The following LRSAM1 variants were observed in gnomAD, a reference collection of about 807,000 sequenced individuals.
LRSAM1 encodes leucine rich repeat and sterile alpha motif containing 1.
In LRSAM1, 96 loss-of-function variants were observed where a neutral mutation model predicts 118.1. The ratio of observed to expected loss-of-function variants is 0.81; its 90% confidence interval spans 0.69 to 0.96. LRSAM1 has a LOEUF of 0.96. Ranked by LOEUF, LRSAM1 falls within the 40% of genes least tolerant of loss-of-function variation. The probability of loss-of-function intolerance (pLI) is 0.00; values close to 1 mark genes in which losing one functional copy is unlikely to be tolerated. For missense variants in LRSAM1, 804 were observed against 915.5 expected (o/e 0.88, Z 1.57); for synonymous variants, 322 against 364.2 (o/e 0.88, Z 1.32).
chr9:127,503,241 G>C lies in LRSAM1; in HGVS notation c.*342G>C, dbSNP rs554114301. 1.1e-5 allele frequency: 4 copies of C among 366,722 alleles called. No individual in the cohort carries two copies. The highest frequency in any genetic ancestry group is 8.4e-5 in the African/African-American group (4 of 47,620). The allele number at this position is 366,722 out of a possible 1,614,324, so 22.7% of individuals were successfully genotyped here. On this transcript the variant is annotated 3_prime_UTR_variant, in exon 26 of 26. Transcript: ENST00000300417. ...GGCCACCGCCCCTGCAGGAGCTTGG[G>C]TCCTCATCTGGGGGCCATGCACAGG...
At chr9:127,459,892 C>G (rs61393400) in intron 7 of LRSAM1, among the ~76,000 whole-genome samples, 19 of 152,308 alleles carry the variant, frequency 1.2e-4, no homozygotes, top group African/African-American at 4.6e-4. Flanking sequence ...GCTGCATTCA[C>G]TAATTTGTAA....
intron 21 of LRSAM1, among the ~76,000 whole-genome samples, chr9:127,494,801 C>T (rs980992010): frequency 6.6e-6 from 1 of 152,046 alleles, no homozygotes; most frequent in Non-Finnish European, 1.5e-5. Flanking sequence ...AAAAATTAGC[C>T]GGGCATGGTG....
rs757124014 is a variant in LRSAM1 at position 127,485,739 on chromosome 9, C to T, written c.1163C>T (p.Ala388Val). 4 of 1,614,124 alleles carry T rather than the reference C, an allele frequency of 2.5e-6. No homozygotes were observed. The highest frequency in any genetic ancestry group is 3.4e-6 in the Non-Finnish European group (4 of 1,180,024). ...TCCCCACCTCATGTTCCCACAGCCG[C>T]CATGCAGCAGATGCTGACTGAGAGC... The part of the protein sequence containing the change: ...ESLRRRDVAS[A>V]MQQMLTESCK... Residue 388 changes from alanine (A) to valine (V), a missense_variant, in exon 17 of 26, where the codon GCC becomes GTC. Coordinates refer to ENST00000300417, the MANE Select transcript of LRSAM1 (RefSeq NM_001005373.4).
intron 22 of LRSAM1, 52 bp downstream of exon 22, chr9:127,495,470 C>A: frequency 6.7e-7 from 1 of 1,500,702 alleles, no homozygotes; most frequent in Non-Finnish European, 9.3e-7. Flanking sequence ...GACCTCCTCC[C>A]AGAGGCGCCT....
At chr9:127,473,656 A>G in intron 10 of LRSAM1, 145 bp from the exon 11 acceptor site, 1 of 1,155,864 alleles carries the variant, frequency 8.7e-7, no homozygotes, top group Non-Finnish European at 1.3e-6. Context: ...AGGACCGGTG[A>G]AAAACACGAA....
intron 15 of LRSAM1, 52 bp from the exon 16 acceptor site, chr9:127,482,898 T>C: frequency 1.3e-6 from 2 of 1,515,396 alleles, no homozygotes; most frequent in Non-Finnish European, 1.8e-6. Context: ...CTGCTGGGAT[T>C]CCCTGTTGGA....
At chr9:127,454,933 C>A in intron 3 of LRSAM1, 65 bp from the exon 4 acceptor site, 1 of 1,469,142 alleles carries the variant, frequency 6.8e-7, no homozygotes, top group Non-Finnish European at 9.5e-7. Context: ...TGTTCTTTGC[C>A]TGGCTTGTCC....
chr9:127,454,522 G>C lies in LRSAM1; in HGVS notation c.-6G>C, dbSNP rs776125314. On this transcript the variant is annotated 5_prime_UTR_variant, in exon 3 of 26. Transcript: ENST00000300417. ...GTCCTAAAGATCGCTCTGGGAAAAG[G>C]GAAGGATGCCGCTCTTCTTCCGGAA... The C allele has an allele frequency of 1.2e-6, 2 of 1,614,026 alleles. No individual in the cohort carries two copies. The highest frequency in any genetic ancestry group is 3.3e-5 in the Admixed American group (2 of 59,992).
At position 127,478,976 on chromosome 9, in the gene LRSAM1, C is replaced by T. The variant is rs1451126007; in HGVS notation, c.780+13C>T. On this transcript the variant is annotated intron_variant, in intron 12 of 25. Transcript: ENST00000300417. ...TGAGAAGAGGAAGGTAAGAAAATGC[C>T]TTTACCCTTCTGTCACTCTTTTCTC... is the stretch of plus-strand genomic sequence containing the variant. 10 of 1,611,054 alleles carry T rather than the reference C, an allele frequency of 6.2e-6. No homozygotes were observed. Among genetic ancestry groups the T allele is most frequent in the Non-Finnish European group, 8.5e-6 (10 of 1,177,300 alleles).
At position 127,502,956 on chromosome 9, in the gene LRSAM1, G is replaced by A. The variant is rs549468112; in HGVS notation, c.*57G>A. ...CCCTGCCTCGGCCACTGTGAGCCCCGGGCTCCTGCTCAGCCTTGTGCCAGC... is the reference window on the plus strand; with the variant it reads ...CCCTGCCTCGGCCACTGTGAGCCCCAGGCTCCTGCTCAGCCTTGTGCCAGC... On this transcript the variant is annotated 3_prime_UTR_variant, in exon 26 of 26. Transcript: ENST00000300417. 6,063 of 1,551,588 alleles carry A rather than the reference G, an allele frequency of 3.9e-3. 18 individuals carry two copies. The highest frequency in any genetic ancestry group is 4.6e-3 in the Non-Finnish European group (5,280 of 1,149,258).
At chr9:127,481,086 C>T in intron 14 of LRSAM1, 97 bp from the exon 15 acceptor site, 1 of 1,367,382 alleles carries the variant, frequency 7.3e-7, no homozygotes, top group Non-Finnish European at 1.0e-6. Flanking sequence ...CAAGGTGCCC[C>T]CAGCCCATTT....
intron 19 of LRSAM1, among the ~76,000 whole-genome samples, chr9:127,490,556 C>T (rs1835897488): frequency 6.6e-6 from 1 of 152,160 alleles, no homozygotes; most frequent in African/African-American, 2.4e-5. Flanking sequence ...TGCCCTTAAA[C>T]CCTGAGCTGA....
At chr9:127,461,898 C>T (rs983883048) in intron 8 of LRSAM1, among the ~76,000 whole-genome samples, 2 of 152,204 alleles carry the variant, frequency 1.3e-5, no homozygotes, top group East Asian at 1.9e-4. Flanking sequence ...ACAACAGTGG[C>T]GCCCCATTGC....
intron 22 of LRSAM1, 44 bp downstream of exon 22, chr9:127,495,462 C>T: frequency 2.6e-6 from 4 of 1,568,022 alleles, no homozygotes; most frequent in Non-Finnish European, 3.5e-6. Context: ...GCCCTGGGGA[C>T]CTCCTCCCAG....
intron 9 of LRSAM1, among the ~76,000 whole-genome samples, chr9:127,463,433 G>A (rs146859702): frequency 2.3e-3 from 345 of 152,120 alleles, no homozygotes; most frequent in African/African-American, 7.9e-3. Context: ...AGTTCTATAG[G>A]CTAGAAGTCC....
At chr9:127,461,142 C>T in intron 7 of LRSAM1, 31 bp from the exon 8 acceptor site, 1 of 1,580,538 alleles carries the variant, frequency 6.3e-7, no homozygotes, top group Non-Finnish European at 8.7e-7. Context: ...GCATAAGCCA[C>T]TGCGCCTGGC....
Position 127,455,626 on chromosome 9 carries a change from A to C in LRSAM1, c.174+6A>C. 6.2e-7 allele frequency: 1 copy of C among 1,613,882 alleles called. No homozygotes were observed. Among genetic ancestry groups the C allele is most frequent in the Non-Finnish European group, 8.5e-7 (1 of 1,179,792 alleles). On this transcript the variant is annotated splice_donor_region_variant and intron_variant, in intron 5 of 25. Coordinates refer to ENST00000300417, the MANE Select transcript of LRSAM1 (RefSeq NM_001005373.4). ...GCAAAGTTCTGCAGAAGAAGGTAAG[A>C]TGGAGCTTCATCTTCAGAGACTTTC... is the stretch of plus-strand genomic sequence containing the variant.
chr9:127,470,217 C>T (rs975328841), intron 10 of LRSAM1, among the ~76,000 whole-genome samples: 8 of 152,006 alleles, frequency 5.3e-5, no homozygotes, highest in Non-Finnish European at 1.0e-4. Context: ...TGAAGAAATT[C>T]TTTATAAAGA....
rs904485923 is a variant in LRSAM1 at position 127,465,317 on chromosome 9, T to A, written c.529-2423T>A. Among the ~76,000 whole-genome samples the A allele has an allele frequency of 1.3e-5, 2 of 152,244 alleles. No homozygotes were observed. Among genetic ancestry groups the A allele is most frequent in the Non-Finnish European group, 2.9e-5 (2 of 68,040 alleles). Reference sequence around the variant, plus strand: ...AGCCAACATGGCCACCCCAGCCACTTGTAGCTGCTGGGCCCTTGAAATGTG... The same window carrying A: ...AGCCAACATGGCCACCCCAGCCACTAGTAGCTGCTGGGCCCTTGAAATGTG... On this transcript the variant is annotated intron_variant, in intron 9 of 25. Transcript: ENST00000300417. This position sits in a 1 kb window ranked among gnomAD's most constrained non-coding sequence, Gnocchi z 4.1.
Sources: allele counts gnomAD v4.1 joint callset (sites outside exome capture counted in the v4.1 genomes callset), GRCh38; gene constraint gnomAD v4.1.1; non-coding constraint Gnocchi (gnomAD v3.1); transcripts MANE v1.5; gene names NCBI Gene and HGNC (gene_info 2026-07-23, HGNC 2026-07-21).